AXDND1: variants seen among roughly 807,000 people sequenced by gnomAD.
AXDND1 encodes axonemal dynein light chain domain containing 1.
Under a neutral mutation model 137.5 loss-of-function variants are expected in AXDND1, and 110 were observed. The observed-to-expected ratio is 0.80, with a 90% confidence interval of 0.69 to 0.94. The LOEUF (loss-of-function observed/expected upper bound fraction) is 0.94. Among genes scored for constraint, AXDND1 ranks in the 40% least tolerant of loss-of-function variants. The probability of loss-of-function intolerance (pLI) is 0.00; values close to 1 mark genes in which losing one functional copy is unlikely to be tolerated. For missense variants in AXDND1, 1,191 were observed against 1,169.8 expected, an observed-to-expected ratio of 1.02 and a Z score of -0.26; for synonymous variants, 414 against 399.7, an observed-to-expected ratio of 1.04 and a Z score of -0.43.
Position 179,435,119 on chromosome 1 carries a change from G to A in AXDND1, c.1563+2777G>A, listed in dbSNP as rs183674560. ...TGCTAAAAAGAGAATAAAATACCTA[G>A]GAATACAGCCAATAAGGGATGCGAA... On this transcript the variant is annotated intron_variant, in intron 15 of 25. Coordinates refer to ENST00000367618, the MANE Select transcript of AXDND1 (RefSeq NM_144696.6). Among the ~76,000 whole-genome samples the A allele has an allele frequency of 5.3e-3, 804 of 152,104 alleles. 10 individuals are homozygous for A. The highest frequency in any genetic ancestry group is 0.019 in the African/African-American group (780 of 41,492).
At chr1:179,466,276 C>CTTTTTTTTTTTTTTT (rs1558222697) in intron 16 of AXDND1, among the ~76,000 whole-genome samples, 1 of 121,358 alleles carries the variant, frequency 8.2e-6, no homozygotes, top group Non-Finnish European at 1.7e-5. Flanking sequence ...TTTCTTTCTT[C>CTTTTTTTTTTTTTTT]TTCTTCTTCT....
At chr1:179,492,821 C>G (rs757994319) in intron 19 of AXDND1, 34 bp from the exon 20 acceptor site, 1 of 1,439,806 alleles carries the variant, frequency 6.9e-7, no homozygotes, top group Non-Finnish European at 9.6e-7. Flanking sequence ...TGTATTTGCT[C>G]TTTTTCTTTT....
chr1:179,457,760 ACACAGAAG>A (rs1257045781), intron 16 of AXDND1, among the ~76,000 whole-genome samples: 3 of 152,216 alleles, frequency 2.0e-5, no homozygotes, highest in African/African-American at 7.2e-5. Flanking sequence ...AGAGATATTC[ACACAGAAG>A]CATGGAATTC....
chr1:179,389,595 C>G (rs1173953221), intron 9 of AXDND1, among the ~76,000 whole-genome samples: 1 of 152,206 alleles, frequency 6.6e-6, no homozygotes, highest in African/African-American at 2.4e-5. Flanking sequence ...TGGTATTTTC[C>G]TGGGGACCAT....
chr1:179,366,641 A>G (rs1423370138), intron 2 of AXDND1, 35 bp downstream of exon 2: 2 of 1,540,410 alleles, frequency 1.3e-6, no homozygotes, highest in African/African-American at 2.7e-5. Flanking sequence ...ATAAACAGTC[A>G]TGGCCGTAAG....
At chr1:179,399,401 A>G (rs565146416) in intron 11 of AXDND1, among the ~76,000 whole-genome samples, 1 of 152,340 alleles carries the variant, frequency 6.6e-6, no homozygotes, top group Admixed American at 6.5e-5. Context: ...CCAGATCCTC[A>G]TCTCTCACCT....
chr1:179,437,174 G>T (rs1658292448), intron 15 of AXDND1, among the ~76,000 whole-genome samples: 1 of 152,008 alleles, frequency 6.6e-6, no homozygotes, highest in African/African-American at 2.4e-5. Flanking sequence ...GGCAAATGTG[G>T]GAATAAAAGA....
chr1:179,471,383 C>T (rs1294772857), intron 17 of AXDND1, among the ~76,000 whole-genome samples: 1 of 152,196 alleles, frequency 6.6e-6, no homozygotes, highest in Non-Finnish European at 1.5e-5. Context: ...TCAATCTCTT[C>T]ACTTGTTAAA....
chr1:179,429,946 G>C (rs1657131210), intron 13 of AXDND1, among the ~76,000 whole-genome samples: 1 of 147,896 alleles, frequency 6.8e-6, no homozygotes. Context: ...GGAAAATTCA[G>C]TGAGCACACT....
rs1655576687 is a variant in AXDND1, at chr1:179,420,882, A to G, written c.1231-8636A>G. Reference sequence around the variant, plus strand: ...GTGATCTGCCTGCCCCACCCTCCCAAGGTACTGGGATTACAGGCGTGAGCT... The same window carrying G: ...GTGATCTGCCTGCCCCACCCTCCCAGGGTACTGGGATTACAGGCGTGAGCT... On this transcript the variant is annotated intron_variant, in intron 12 of 25. Coordinates refer to ENST00000367618, the MANE Select transcript of AXDND1 (RefSeq NM_144696.6). 2.6e-5 allele frequency among the ~76,000 whole-genome samples: 4 copies of G among 152,114 alleles called. No homozygotes were observed. The South Asian group carries it at 8.3e-4, about 32-fold the overall frequency.
At chr1:179,546,139 C>CACA (rs1333868301) in intron 25 of AXDND1, 2 of 152,156 alleles carry the variant, frequency 1.3e-5, no homozygotes, top group Non-Finnish European at 2.9e-5. Context: ...ACCCTGTGGT[C>CACA]ACAAACCTCC....
intron 15 of AXDND1, among the ~76,000 whole-genome samples, chr1:179,438,401 G>C (rs987893637): frequency 6.6e-6 from 1 of 152,178 alleles, no homozygotes; most frequent in Non-Finnish European, 1.5e-5. Context: ...TTGTAACTCA[G>C]TGTTAATTTT....
intron 16 of AXDND1, among the ~76,000 whole-genome samples, chr1:179,459,189 T>C (rs1030308780): frequency 6.6e-5 from 10 of 152,176 alleles, no homozygotes; most frequent in Non-Finnish European, 1.3e-4. Flanking sequence ...TTACCTATAA[T>C]GTCCAGGCCG....
At chr1:179,478,344 C>G (rs2125521054) in intron 17 of AXDND1, among the ~76,000 whole-genome samples, 1 of 152,346 alleles carries the variant, frequency 6.6e-6, no homozygotes, top group African/African-American at 2.4e-5. Flanking sequence ...AAACTTCTGC[C>G]TGGACATCCA....
At chr1:179,369,903 A>G in intron 3 of AXDND1, 72 bp from the exon 4 acceptor site, 2 of 1,219,362 alleles carry the variant, frequency 1.6e-6, no homozygotes, top group Non-Finnish European at 2.4e-6. Context: ...GTACTTACTC[A>G]AAACTATTAA....
intron 12 of AXDND1, among the ~76,000 whole-genome samples, chr1:179,417,726 A>AT (rs978155353): frequency 1.3e-4 from 20 of 151,862 alleles, no homozygotes; most frequent in African/African-American, 4.8e-4. Flanking sequence ...AGATTTTAGG[A>AT]TTTAAAAAAA....
chr1:179,541,114 G>T (rs1455256824), intron 25 of AXDND1, among the ~76,000 whole-genome samples: 1 of 152,198 alleles, frequency 6.6e-6, no homozygotes, highest in Non-Finnish European at 1.5e-5. Flanking sequence ...GCTGGGCTCC[G>T]TGGGTGGGGG....
At chr1:179,438,227 C>G (rs1315975335) in intron 15 of AXDND1, among the ~76,000 whole-genome samples, 1 of 152,044 alleles carries the variant, frequency 6.6e-6, no homozygotes, top group Non-Finnish European at 1.5e-5. Context: ...AAGCTACCGG[C>G]AAATCGGCTT....
intron 12 of AXDND1, among the ~76,000 whole-genome samples, chr1:179,427,861 G>C (rs1465487096): frequency 6.6e-6 from 1 of 150,706 alleles, no homozygotes; most frequent in Non-Finnish European, 1.5e-5. Context: ...TGAACTCCCA[G>C]TTTCCATTAT....
Sources: gnomAD v4.1 joint callset for allele counts (sites outside exome capture counted in the v4.1 genomes callset) on GRCh38, gnomAD v4.1.1 for gene constraint, MANE v1.5 for transcripts, NCBI Gene and HGNC (gene_info 2026-07-23, HGNC 2026-07-21) for gene names.